The following MSS51 variants were observed in gnomAD, a reference collection of about 807,000 sequenced individuals.
The protein encoded by MSS51 is putative protein MSS51 homolog, mitochondrial.
MSS51 carries 32 observed loss-of-function variants against 40.2 expected under a neutral mutation model. The ratio of observed to expected loss-of-function variants is 0.80; its 90% CI spans 0.60 to 1.07. MSS51 has a LOEUF of 1.07. MSS51 is among the 50% of genes least tolerant of loss of function. MSS51 has a pLI of 0.00. For synonymous variants in MSS51, 178 were observed against 214.2 expected (o/e 0.83, Z 1.48); for missense variants, 518 against 568.9 (o/e 0.91, Z 0.91).
intron 4 of MSS51, 71 bp from the exon 5 acceptor site, chr10:73,426,448 C>A (rs2055989083): frequency 1.9e-6 from 3 of 1,575,406 alleles, no homozygotes; most frequent in Non-Finnish European, 1.7e-6. Context: ...CACTAATGAT[C>A]AATATTCCCT....
At chr10:73,432,584 A>AC (rs988247292) in intron 1 of MSS51, among the ~76,000 whole-genome samples, 2 of 152,172 alleles carry the variant, frequency 1.3e-5, no homozygotes, top group Admixed American at 1.3e-4. Context: ...AGCTCTTGGC[A>AC]ATCTGGGAGT....
rs534329907 is a variant in MSS51, at chr10:73,425,523, A to T, written c.1069+288T>A. Among the ~76,000 whole-genome samples the T allele has an allele frequency of 2.6e-5, 4 of 152,026 alleles. No individual in the cohort carries two copies. In the South Asian group the frequency reaches 8.3e-4, roughly 32 times the overall value. ...CCCCGCCTCTACTAAAAATACAAAAAATTAGCCAGGCGCCTGTAGTCCCAG... is the reference window on the plus strand; with the variant it reads ...CCCCGCCTCTACTAAAAATACAAAATATTAGCCAGGCGCCTGTAGTCCCAG... On this transcript the variant is annotated intron_variant, in intron 5 of 6. Coordinates refer to ENST00000299432, the MANE Select transcript of MSS51 (RefSeq NM_001024593.2).
chr10:73,424,981 C>T (rs533146897), intron 6 of MSS51, 117 bp downstream of exon 6: 23 of 873,010 alleles, frequency 2.6e-5, no homozygotes, highest in African/African-American at 1.7e-4. Flanking sequence ...AAGCCATATG[C>T]GGAAAAGAAC....
chr10:73,429,845 G>T (rs973967788), intron 1 of MSS51, among the ~76,000 whole-genome samples: 2 of 151,886 alleles, frequency 1.3e-5, no homozygotes, highest in Non-Finnish European at 2.9e-5. Context: ...ATTAGATGTA[G>T]ACTATAAGGT....
In MSS51 at chr10:73,426,252, C is replaced by A. The variant is rs1392277239; in HGVS notation, c.628G>T (p.Ala210Ser). 1.9e-6 allele frequency: 3 copies of A among 1,613,278 alleles called. No individual in the cohort carries two copies. Among genetic ancestry groups the A allele is most frequent in the Non-Finnish European group, 2.5e-6 (3 of 1,180,046 alleles). The change falls in exon 5 of 7, where the codon GCT (alanine) becomes TCT (serine). Residue 210 changes from alanine to serine, a missense_variant. Physicochemically the swap from Ala to Ser is moderately conservative, Grantham distance 99. Coordinates refer to ENST00000299432, the MANE Select transcript of MSS51 (RefSeq NM_001024593.2). The part of the protein sequence containing the change: ...ATLDAVLVSH[A>S]VTTLWASVGR... ...ACACTGGCCCATAAGGTGGTCACAG[C>A]ATGACTAACTAGCACAGCATCCAAT... is the stretch of plus-strand genomic sequence containing the variant.
intron 1 of MSS51, among the ~76,000 whole-genome samples, chr10:73,431,813 G>T (rs1289628999): frequency 6.6e-6 from 1 of 152,078 alleles, no homozygotes; most frequent in African/African-American, 2.4e-5. Flanking sequence ...TGAAGAAATT[G>T]GACCTAATGA....
At chr10:73,430,609 A>C (rs576930600) in intron 1 of MSS51, among the ~76,000 whole-genome samples, 1 of 152,046 alleles carries the variant, frequency 6.6e-6, no homozygotes, top group South Asian at 2.1e-4. Flanking sequence ...AAAAAAAAAA[A>C]CAGAAAATGA....
intron 1 of MSS51, chr10:73,429,563 G>A: frequency 4.4e-6 from 2 of 455,292 alleles, no homozygotes; most frequent in South Asian, 3.1e-5. Flanking sequence ...AGTCAAGCAA[G>A]TCAGAAAAAT....
chr10:73,425,149 G>A lies in MSS51; in HGVS notation c.1112C>T (p.Thr371Ile). The A allele has an allele frequency of 6.2e-7, 1 of 1,608,332 alleles. No individual in the cohort carries two copies. Among genetic ancestry groups the A allele is most frequent in the Non-Finnish European group, 8.5e-7 (1 of 1,178,274 alleles). ...SPDLMEAWLP[T>I]LLLLRDYKIP... ...CTTATAGTCACGAAGTAGCAGCAGG[G>A]TGGGCAGCCAAGCCTCCATCAAGTC... Residue 371 changes from threonine (T) to isoleucine (I), a missense_variant, in exon 6 of 7, where the codon ACC becomes ATC. Coordinates refer to ENST00000299432, the MANE Select transcript of MSS51 (RefSeq NM_001024593.2).
At position 73,427,987 on chromosome 10, in the gene MSS51, T is replaced by C. The variant is rs1265721511; in HGVS notation, c.221+77A>G. 3 of 1,394,772 alleles carry C rather than the reference T, an allele frequency of 2.2e-6. No individual in the cohort carries two copies. In the African/African-American group the frequency reaches 4.3e-5, roughly 20 times the overall value. The allele number at this position is 1,394,772 out of a possible 1,614,324, so 86.4% of individuals were successfully genotyped here. A position where few individuals can be genotyped will look rare whatever the true frequency, so the allele number is the denominator to read the frequency against. ...TGCAAATACTCCATATTCACCAAACTGTACTCCCTCTCCACCTTCTGAAAT... is the reference window on the plus strand; with the variant it reads ...TGCAAATACTCCATATTCACCAAACCGTACTCCCTCTCCACCTTCTGAAAT... On this transcript the variant is annotated intron_variant, in intron 2 of 6. Transcript: ENST00000299432.
chr10:73,425,714 A>G, intron 5 of MSS51, 97 bp downstream of exon 5: 1 of 1,077,750 alleles, frequency 9.3e-7, no homozygotes, highest in Non-Finnish European at 1.3e-6. Flanking sequence ...TATTGTGTTT[A>G]ATGAGACCAA....
Position 73,426,334 on chromosome 10 carries a change from T to C in MSS51, c.546A>G (p.Glu182=), listed in dbSNP as rs1468349321. 6.2e-7 allele frequency: 1 copy of C among 1,603,690 alleles called. No homozygotes were observed. Among genetic ancestry groups the C allele is most frequent in the Non-Finnish European group, 8.5e-7 (1 of 1,179,952 alleles). ...ACCAGGAGTCCCAGTCCTGTACAGC[T>C]TCAGGTGGCCATGGCCAAGGTCCTG... ...LPSGPWPWPP[E]AVQDWDSWFS... The change falls in exon 5 of 7, where the codon GAA becomes GAG. Residue 182 remains glutamate (E), a synonymous_variant. Coordinates refer to ENST00000299432, the MANE Select transcript of MSS51 (RefSeq NM_001024593.2).
At position 73,426,794 on chromosome 10, in the gene MSS51, G is replaced by T. The variant is rs568670061; in HGVS notation, c.378-63C>A. ...ATATGATTGGGGTTATCGGAGGAAA[G>T]GAACTGATATTCCTGCACCTAGGAT... On this transcript the variant is annotated intron_variant, in intron 3 of 6. Coordinates refer to ENST00000299432, the MANE Select transcript of MSS51 (RefSeq NM_001024593.2). The T allele has an allele frequency of 8.9e-6, 14 of 1,574,970 alleles. No homozygotes were observed. The African/African-American group carries it at 1.8e-4, about 20-fold the overall frequency.
Position 73,426,772 on chromosome 10 carries a change from T to C in MSS51, c.378-41A>G, listed in dbSNP as rs749813580. ...AGAAATAGTTCTTATACTATAAATA[T>C]GATTGGGGTTATCGGAGGAAAGGAA... On this transcript the variant is annotated intron_variant, in intron 3 of 6. Transcript: ENST00000299432. 7 of 1,604,318 alleles carry C rather than the reference T, an allele frequency of 4.4e-6. No individual in the cohort carries two copies. The South Asian group carries it at 4.4e-5, about 10-fold the overall frequency.
In MSS51 at chr10:73,431,684, A is replaced by T. The variant is rs367950551; in HGVS notation, c.-18+1829T>A. Among the ~76,000 whole-genome samples the T allele has an allele frequency of 1.7e-4, 26 of 152,278 alleles. No homozygotes were observed. The East Asian group carries it at 4.8e-3, about 28-fold the overall frequency. ...TTGTACTTTCTATCTCCTCATCCTT[A>T]TGTTTCCATCCACCCTCTTAATGTC... On this transcript the variant is annotated intron_variant, in intron 1 of 6. Coordinates refer to ENST00000299432, the MANE Select transcript of MSS51 (RefSeq NM_001024593.2).
chr10:73,426,696 TG>T lies in MSS51; in HGVS notation c.412del (p.Gln138ArgfsTer56), dbSNP rs1337450645. The T allele has an allele frequency of 6.2e-7, 1 of 1,614,088 alleles. No individual in the cohort carries two copies. Among genetic ancestry groups the T allele is most frequent in the African/African-American group, 1.3e-5 (1 of 74,918 alleles). On this transcript the variant is annotated frameshift_variant, in exon 4 of 7. Coordinates refer to ENST00000299432, the MANE Select transcript of MSS51 (RefSeq NM_001024593.2). LOFTEE classifies it high-confidence loss of function. ...CCTGTGTGCGGGCCAGTCTGACTTC[TG>T]GCACTCTGGACCACAGTAATAGACA... is the stretch of plus-strand genomic sequence containing the variant. ...RNVYYCGPEC[Q>X]KSDWPAHRRV...
At chr10:73,430,633 G>A (rs1454152910) in intron 1 of MSS51, among the ~76,000 whole-genome samples, 1 of 151,404 alleles carries the variant, frequency 6.6e-6, no homozygotes, top group Admixed American at 6.6e-5. Context: ...GTGTTGATGA[G>A]GATATGGAGT....
chr10:73,430,675 T>C (rs1019367605), intron 1 of MSS51, among the ~76,000 whole-genome samples: 1 of 151,070 alleles, frequency 6.6e-6, no homozygotes, highest in Non-Finnish European at 1.5e-5. Context: ...CAGGTGAGAA[T>C]GTAAAATGGT....
chr10:73,431,430 T>TA (rs1167716903), intron 1 of MSS51, among the ~76,000 whole-genome samples: 2 of 152,316 alleles, frequency 1.3e-5, no homozygotes, highest in African/African-American at 4.8e-5. Flanking sequence ...AGGAAACTGT[T>TA]AAAGTTCAAA....
Sources: allele counts gnomAD v4.1 joint callset (sites outside exome capture counted in the v4.1 genomes callset), GRCh38; gene constraint gnomAD v4.1.1; transcripts MANE v1.5; gene names NCBI Gene and HGNC (gene_info 2026-07-23, HGNC 2026-07-21).